LVRN: variants seen among roughly 807,000 people sequenced by gnomAD.
LVRN encodes aminopeptidase Q.
LVRN carries 99 observed loss-of-function variants against 111.4 expected under a neutral mutation model. The observed-to-expected ratio is 0.89, with a 90% CI of 0.76 to 1.05. The LOEUF is 1.05. LVRN is among the 50% of genes least tolerant of loss of function. The pLI is 0.00. For missense variants in LVRN, 1,414 were observed against 1,206.8 expected, an observed-to-expected ratio of 1.17 and a Z score of -2.54; for synonymous variants, 488 against 449.5, an observed-to-expected ratio of 1.09 and a Z score of -1.08.
rs545460390 is a variant in LVRN at position 116,001,125 on chromosome 5, G to C, written c.1706G>C (p.Ser569Thr). The C allele has an allele frequency of 3.2e-4, 524 of 1,613,662 alleles. 7 individuals carry two copies. In the South Asian group the frequency reaches 5.4e-3, roughly 17 times the overall value. ...GCAACAATAAAAAACATAATGGACAGTTGGACACACCAGAGTGGTTTTCCA... is the reference window on the plus strand; with the variant it reads ...GCAACAATAAAAAACATAATGGACACTTGGACACACCAGAGTGGTTTTCCA... ...LPATIKNIMD[S>T]WTHQSGFPVI... Residue 569 changes from serine to threonine, a missense_variant, in exon 10 of 20, where the codon AGT (serine) becomes ACT (threonine). Ser to Thr is a moderately conservative substitution (Grantham distance 58). Coordinates refer to ENST00000357872, the MANE Select transcript of LVRN (RefSeq NM_173800.5).
intron 19 of LVRN, among the ~76,000 whole-genome samples, chr5:116,024,867 A>G (rs190985101): frequency 6.6e-4 from 101 of 152,334 alleles, no homozygotes; most frequent in Middle Eastern, 6.8e-3. Flanking sequence ...ATGCTGCATC[A>G]GTTCACAGGA....
Position 116,027,524 on chromosome 5 carries a change from G to A in LVRN, c.*1406G>A, listed in dbSNP as rs374135492. 1 of 152,170 alleles carries A rather than the reference G, an allele frequency of 6.6e-6. No individual in the cohort carries two copies. Among genetic ancestry groups the A allele is most frequent in the Non-Finnish European group, 1.5e-5 (1 of 68,030 alleles). The allele number at this position is 152,170 out of a possible 1,614,324, so 9.4% of individuals were successfully genotyped here. On this transcript the variant is annotated 3_prime_UTR_variant, in exon 20 of 20. Transcript: ENST00000357872. ...CGAAAGCACAGGCTACTCAGACTTG[G>A]CCACAGGTCATAGGTCAGAGAATTT...
At chr5:116,003,423 T>C in intron 12 of LVRN, 43 bp downstream of exon 12, 3 of 1,237,074 alleles carry the variant, frequency 2.4e-6, no homozygotes, top group Non-Finnish European at 3.3e-6. Context: ...TAATTTATAA[T>C]GCCTTCTCTA....
intron 1 of LVRN, among the ~76,000 whole-genome samples, chr5:115,965,047 A>G (rs1173307092): frequency 1.3e-5 from 2 of 152,134 alleles, no homozygotes; most frequent in East Asian, 3.9e-4. Flanking sequence ...TAGTCTCTTA[A>G]CCTCTCTGAG....
chr5:115,993,862 T>C lies in LVRN; in HGVS notation c.1374+8T>C, dbSNP rs1356616947. The C allele has an allele frequency of 1.3e-6, 2 of 1,501,860 alleles. No homozygotes were observed. Among genetic ancestry groups the C allele is most frequent in the Non-Finnish European group, 9.1e-7 (1 of 1,099,096 alleles). The allele number at this position is 1,501,860 out of a possible 1,614,324, so 93.0% of individuals were successfully genotyped here. ...AATCCTAAACTCCCAAGAGTAAGTA[T>C]GTTTACTAAGTTTATTTAACATTTT... On this transcript the variant is annotated splice_region_variant and intron_variant, in intron 6 of 19. Transcript: ENST00000357872.
intron 3 of LVRN, among the ~76,000 whole-genome samples, chr5:115,986,772 A>C (rs1747873710): frequency 6.6e-6 from 1 of 152,250 alleles, no homozygotes; most frequent in Non-Finnish European, 1.5e-5. Flanking sequence ...AATTTACATA[A>C]TTCTAGAAAT....
At chr5:116,005,757 G>C (rs753023911) in intron 12 of LVRN, 155 bp from the exon 13 acceptor site, 1 of 698,638 alleles carries the variant, frequency 1.4e-6, no homozygotes. Context: ...AAATTATGGG[G>C]ACTGTCCTCA....
At chr5:116,002,995 A>G in intron 11 of LVRN, 84 bp downstream of exon 11, 1 of 1,208,554 alleles carries the variant, frequency 8.3e-7, no homozygotes, top group African/African-American at 1.6e-5. Context: ...TAGCTTTTGA[A>G]AAGCCATTTC....
At chr5:115,987,428 A>G (rs1329667997) in intron 3 of LVRN, among the ~76,000 whole-genome samples, 1 of 152,184 alleles carries the variant, frequency 6.6e-6, no homozygotes, top group Non-Finnish European at 1.5e-5. Flanking sequence ...CCCCACTCAC[A>G]GTGCAATTCT....
chr5:115,985,363 A>T (rs1316720848), intron 3 of LVRN, among the ~76,000 whole-genome samples: 4 of 152,116 alleles, frequency 2.6e-5, no homozygotes, highest in Non-Finnish European at 4.4e-5. Flanking sequence ...TGGCCACAAG[A>T]CAAGTAGATC....
intron 1 of LVRN, among the ~76,000 whole-genome samples, chr5:115,971,543 C>T (rs996214285): frequency 6.6e-6 from 1 of 152,066 alleles, no homozygotes; most frequent in African/African-American, 2.4e-5. Context: ...GGACATTCAA[C>T]TGTACCACTG....
intron 10 of LVRN, 52 bp from the exon 11 acceptor site, chr5:116,002,783 G>A: frequency 7.6e-7 from 1 of 1,309,672 alleles, no homozygotes. Context: ...GGCTCAGAGT[G>A]TATGTTTTTA....
chr5:115,982,462 C>T (rs952773739), intron 1 of LVRN, among the ~76,000 whole-genome samples: 3 of 152,144 alleles, frequency 2.0e-5, no homozygotes, highest in South Asian at 2.1e-4. Flanking sequence ...CATCTAAAGA[C>T]GGGTTCCCAG....
At chr5:116,024,180 A>AGTAC (rs1561572341) in intron 19 of LVRN, among the ~76,000 whole-genome samples, 1 of 152,176 alleles carries the variant, frequency 6.6e-6, no homozygotes, top group East Asian at 1.9e-4. Flanking sequence ...ACAGTGGTCA[A>AGTAC]AATTCATTGA....
In LVRN at chr5:116,027,016, T is replaced by C. The variant is rs1341080843; in HGVS notation, c.*898T>C. On this transcript the variant is annotated 3_prime_UTR_variant, in exon 20 of 20. Transcript: ENST00000357872. The stretch of plus-strand genomic sequence containing the variant: ...CAGAACTAAAAGGCTAACTGGAGCA[T>C]AATCCTTACAGTTTTGCACTCAGGG... 6.6e-6 allele frequency: 1 copy of C among 152,242 alleles called. No homozygotes were observed. Among genetic ancestry groups the C allele is most frequent in the African/African-American group, 2.4e-5 (1 of 41,470 alleles). 9.4% of individuals were successfully genotyped at this position (152,242 alleles called of 1,614,324 possible).
At chr5:116,011,208 A>T (rs1465911118) in intron 14 of LVRN, among the ~76,000 whole-genome samples, 2 of 147,286 alleles carry the variant, frequency 1.4e-5, no homozygotes, top group African/African-American at 5.0e-5. Flanking sequence ...TTTTTTAGGG[A>T]AAAGGATAGT....
chr5:116,025,939 G>A (rs927765089), intron 19 of LVRN, 39 bp from the exon 20 acceptor site: 18 of 1,603,856 alleles, frequency 1.1e-5, no homozygotes, highest in Non-Finnish European at 1.5e-5. Context: ...CAAATGGGAA[G>A]TTGGATTGCA....
At chr5:115,997,997 G>T (rs1362955551) in intron 6 of LVRN, among the ~76,000 whole-genome samples, 1 of 152,144 alleles carries the variant, frequency 6.6e-6, no homozygotes, top group African/African-American at 2.4e-5. Context: ...AAGAAAGAAA[G>T]ACAATCTGTT....
chr5:116,008,956 G>C (rs1748432872), intron 13 of LVRN, among the ~76,000 whole-genome samples: 1 of 152,204 alleles, frequency 6.6e-6, no homozygotes, highest in South Asian at 2.1e-4. Flanking sequence ...TTTTCCATAT[G>C]AAACAGTCTT....
Sources: allele counts gnomAD v4.1 joint callset (sites outside exome capture counted in the v4.1 genomes callset), GRCh38; gene constraint gnomAD v4.1.1; transcripts MANE v1.5; gene names NCBI Gene and HGNC (gene_info 2026-07-23, HGNC 2026-07-21).